The following ANKRD45 variants were observed in gnomAD, a reference collection of about 807,000 sequenced individuals.
ANKRD45 encodes ankyrin repeat domain 45.
In ANKRD45, 21 loss-of-function variants were observed where a neutral mutation model predicts 28.1. The ratio of observed to expected loss-of-function variants is 0.75; its 90% CI spans 0.53 to 1.08. The LOEUF is 1.08. ANKRD45 is among the 50% of genes least tolerant of loss of function. ANKRD45 has a pLI of 0.00. For synonymous variants in ANKRD45, 86 were observed against 103.9 expected, an observed-to-expected ratio of 0.83 and a Z score of 1.05; for missense variants, 261 against 308.7, an observed-to-expected ratio of 0.85 and a Z score of 1.16.
intron 5 of ANKRD45, among the ~76,000 whole-genome samples, chr1:173,611,755 A>G (rs1667167499): frequency 6.6e-6 from 1 of 152,206 alleles, no homozygotes; most frequent in African/African-American, 2.4e-5. Context: ...TGACACAGAA[A>G]GCAGAAGCAA....
At chr1:173,665,092 T>A (rs1053611835) in intron 1 of ANKRD45, among the ~76,000 whole-genome samples, 11 of 152,184 alleles carry the variant, frequency 7.2e-5, no homozygotes, top group Non-Finnish European at 1.3e-4. Flanking sequence ...TAGGTCATCA[T>A]CAAACCTCCA....
chr1:173,613,541 C>T (rs1253552637), intron 5 of ANKRD45, among the ~76,000 whole-genome samples: 4 of 136,324 alleles, frequency 2.9e-5, no homozygotes, highest in East Asian at 2.1e-4. Flanking sequence ...CCGCCCCGTC[C>T]GGGAGGGAGG....
intron 3 of ANKRD45, among the ~76,000 whole-genome samples, chr1:173,628,932 CAGAG>C (rs558394198): frequency 6.4e-4 from 98 of 152,224 alleles, no homozygotes; most frequent in African/African-American, 2.3e-3. Flanking sequence ...CAGCTCAGCA[CAGAG>C]AGAGAGACTC....
chr1:173,631,678 A>G (rs1232052937), intron 3 of ANKRD45, among the ~76,000 whole-genome samples: 2 of 151,716 alleles, frequency 1.3e-5, no homozygotes, highest in East Asian at 3.8e-4. Context: ...ATCAATAACA[A>G]GAGGAATTTT....
At chr1:173,621,153 G>A (rs1667684707) in intron 5 of ANKRD45, among the ~76,000 whole-genome samples, 1 of 152,120 alleles carries the variant, frequency 6.6e-6, no homozygotes, top group Non-Finnish European at 1.5e-5. Flanking sequence ...TGAAATTGAG[G>A]CAATAATAAA....
chr1:173,670,891 G>A (rs1670226602), upstream of ANKRD45, among the ~76,000 whole-genome samples: 1 of 152,180 alleles, frequency 6.6e-6, no homozygotes, highest in Non-Finnish European at 1.5e-5. Flanking sequence ...TGGACTTAGA[G>A]GCATGAAGAA....
the ANKRD45 span, among the ~76,000 whole-genome samples, chr1:173,682,659 G>GA: frequency 6.9e-6 from 1 of 145,578 alleles, no homozygotes; most frequent in South Asian, 2.1e-4. Context: ...CTAGGAGAGG[G>GA]AAAAAACCAC....
the ANKRD45 span, among the ~76,000 whole-genome samples, chr1:173,698,065 C>T: frequency 6.6e-6 from 1 of 151,384 alleles, no homozygotes; most frequent in Non-Finnish European, 1.5e-5. Flanking sequence ...TCAAAAGAGA[C>T]AAGGCCATTA....
intron 3 of ANKRD45, among the ~76,000 whole-genome samples, chr1:173,632,039 C>A: frequency 6.6e-6 from 1 of 151,154 alleles, no homozygotes; most frequent in Non-Finnish European, 1.5e-5. Context: ...TTCAAAAGAT[C>A]AATGAAATGA....
intron 2 of ANKRD45, among the ~76,000 whole-genome samples, chr1:173,647,972 C>A (rs1669014895): frequency 2.0e-5 from 3 of 151,528 alleles, no homozygotes; most frequent in Admixed American, 2.0e-4. Flanking sequence ...TAGATGGAGT[C>A]TTTCGCTGTT....
chr1:173,624,514 C>G (rs1285876796), intron 5 of ANKRD45, among the ~76,000 whole-genome samples: 1 of 149,016 alleles, frequency 6.7e-6, no homozygotes, highest in African/African-American at 2.5e-5. Flanking sequence ...AAAATCAAAA[C>G]AAAGCTACAG....
At chr1:173,642,880 C>T (rs765079859) in intron 3 of ANKRD45, among the ~76,000 whole-genome samples, 4 of 152,162 alleles carry the variant, frequency 2.6e-5, no homozygotes, top group Non-Finnish European at 5.9e-5. Flanking sequence ...GTGGATGCAT[C>T]AGGTTATAAA....
intron 5 of ANKRD45, among the ~76,000 whole-genome samples, chr1:173,615,978 C>T (rs1009976855): frequency 6.6e-6 from 1 of 152,062 alleles, no homozygotes; most frequent in Admixed American, 6.6e-5. Context: ...TGGCGGGCGC[C>T]TGTAGTCCCA....
chr1:173,633,490 C>A (rs111235103), intron 3 of ANKRD45, among the ~76,000 whole-genome samples: 1 of 103,582 alleles, frequency 9.7e-6, no homozygotes, highest in Admixed American at 1.0e-4. Flanking sequence ...ATAGAAAAAA[C>A]AATACTAAAA....
chr1:173,711,606 C>T, the ANKRD45 span, among the ~76,000 whole-genome samples: 3 of 152,178 alleles, frequency 2.0e-5, no homozygotes, highest in Non-Finnish European at 4.4e-5. Flanking sequence ...TTCCCTTTAG[C>T]TTAGTGATTT....
chr1:173,663,054 A>AAC (rs60072209), intron 1 of ANKRD45, among the ~76,000 whole-genome samples: 15,305 of 140,192 alleles, frequency 0.11, 867 homozygotes, highest in South Asian at 0.16. Context: ...CCACCCTTCC[A>AAC]ACACACACAC....
At chr1:173,676,207 T>C in the ANKRD45 span, among the ~76,000 whole-genome samples, 1 of 152,366 alleles carries the variant, frequency 6.6e-6, no homozygotes, top group African/African-American at 2.4e-5. Context: ...AATTGTGTCC[T>C]GTTAAAAATG....
At chr1:173,653,426 C>T (rs1656903649) in intron 2 of ANKRD45, among the ~76,000 whole-genome samples, 1 of 152,160 alleles carries the variant, frequency 6.6e-6, no homozygotes, top group South Asian at 2.1e-4. Flanking sequence ...CTTTCTTAAT[C>T]CTGAGTTCTA....
intron 3 of ANKRD45, among the ~76,000 whole-genome samples, chr1:173,638,461 AC>A (rs1436476516): frequency 6.6e-6 from 1 of 152,028 alleles, no homozygotes; most frequent in East Asian, 1.9e-4. Context: ...AGGTTGAGCC[AC>A]CCCCAGCCCC....
Sources: allele counts gnomAD v4.1 joint callset (sites outside exome capture counted in the v4.1 genomes callset), GRCh38; gene constraint gnomAD v4.1.1; transcripts MANE v1.5; gene names NCBI Gene and HGNC (gene_info 2026-07-23, HGNC 2026-07-21).